ZNF333: variants seen among roughly 807,000 people sequenced by gnomAD.
ZNF333 encodes the protein zinc finger protein 333.
In ZNF333, 61 loss-of-function variants were observed where a neutral mutation model predicts 76.1. The ratio of observed to expected loss-of-function variants is 0.80; its 90% confidence interval spans 0.65 to 0.99. The LOEUF (loss-of-function observed/expected upper bound fraction) is 0.99, where lower values mean the gene tolerates loss of function less well. Among genes scored for constraint, ZNF333 ranks in the 50% least tolerant of loss-of-function variants. ZNF333 has a pLI of 0.00. For synonymous variants in ZNF333, 284 were observed against 305.0 expected (o/e 0.93, Z 0.72); for missense variants, 717 against 822.4 (o/e 0.87, Z 1.57).
intron 11 of ZNF333, among the ~76,000 whole-genome samples, chr19:14,727,979 T>G (rs1182925710): frequency 1.3e-5 from 2 of 152,158 alleles, no homozygotes; most frequent in African/African-American, 2.4e-5. Context: ...TCCCAGCACT[T>G]TGGGAGGCTG....
chr19:14,727,756 T>A (rs1160375981), intron 11 of ZNF333, among the ~76,000 whole-genome samples: 1 of 151,938 alleles, frequency 6.6e-6, no homozygotes, highest in African/African-American at 2.4e-5. Flanking sequence ...AGAGTCCCAG[T>A]ATCCTAATCA....
chr19:14,725,906 C>T (rs1309993526), downstream of ZNF333, among the ~76,000 whole-genome samples: 1 of 152,156 alleles, frequency 6.6e-6, no homozygotes, highest in Non-Finnish European at 1.5e-5. Context: ...GGGAGGTGGC[C>T]CTCCAGCTCC....
At chr19:14,691,272 T>G (rs910365566) in intron 1 of ZNF333, among the ~76,000 whole-genome samples, 3 of 152,218 alleles carry the variant, frequency 2.0e-5, no homozygotes, top group Admixed American at 6.5e-5. Flanking sequence ...AACCTAAGAC[T>G]GTTATTCAGA....
intron 9 of ZNF333, 52 bp from the exon 10 acceptor site, chr19:14,716,942 G>A: frequency 1.3e-6 from 2 of 1,512,178 alleles, no homozygotes; most frequent in Non-Finnish European, 1.8e-6. Flanking sequence ...CGGCCCTGGT[G>A]TCAGGGCATG....
chr19:14,692,370 A>C (rs1167681935), intron 1 of ZNF333, among the ~76,000 whole-genome samples: 10 of 152,184 alleles, frequency 6.6e-5, no homozygotes, highest in Non-Finnish European at 1.5e-4. Flanking sequence ...ACAGTCTTTC[A>C]GGCAGTACGA....
chr19:14,711,539 G>A (rs949369200), intron 7 of ZNF333, among the ~76,000 whole-genome samples: 1 of 152,136 alleles, frequency 6.6e-6, no homozygotes, highest in African/African-American at 2.4e-5. Flanking sequence ...ATGGTTGTGT[G>A]CACCTGTGGT....
chr19:14,708,393 C>G, intron 7 of ZNF333: 1 of 401,256 alleles, frequency 2.5e-6, no homozygotes. Context: ...AAAGAAAACA[C>G]CGACCCCTCC....
chr19:14,717,626 G>A (rs780711551), intron 10 of ZNF333, 31 bp from the exon 11 acceptor site: 2 of 1,596,500 alleles, frequency 1.3e-6, no homozygotes, highest in South Asian at 1.1e-5. Flanking sequence ...TTCTCTGTGT[G>A]CTTAACTTTT....
chr19:14,692,501 T>C (rs1205673900), intron 1 of ZNF333, among the ~76,000 whole-genome samples: 1 of 142,940 alleles, frequency 7.0e-6, no homozygotes, highest in Non-Finnish European at 1.5e-5. Context: ...TGGTTAGCAT[T>C]GGATCTTCTT....
chr19:14,710,382 C>T (rs1325457074), intron 7 of ZNF333, among the ~76,000 whole-genome samples: 3 of 152,130 alleles, frequency 2.0e-5, no homozygotes, highest in Admixed American at 2.0e-4. Flanking sequence ...GTGCTGGGTT[C>T]CCCCAAGACC....
At position 14,695,642 on chromosome 19, in the gene ZNF333, T is replaced by G. The variant is rs373334581; in HGVS notation, c.204T>G (p.Ile68Met). 3.1e-6 allele frequency: 5 copies of G among 1,613,980 alleles called. No homozygotes were observed. The highest frequency in any genetic ancestry group is 4.2e-6 in the Non-Finnish European group (5 of 1,180,014). ...RAEPKATERG[I>M]LRATGVAWES... Reference sequence around the variant, plus strand: ...AGCCAAAGGCAACAGAACGAGGGATTCTCCGTGCCACAGGTGTTGGTGAGT... The same window carrying G: ...AGCCAAAGGCAACAGAACGAGGGATGCTCCGTGCCACAGGTGTTGGTGAGT... Residue 68 changes from isoleucine to methionine, a missense_variant, in exon 4 of 12, where the codon ATT becomes ATG. Ile to Met is a conservative substitution (Grantham distance 10). Transcript: ENST00000292530.
At position 14,708,491 on chromosome 19, in the gene ZNF333, CA is replaced by C. The variant is rs1241062689; in HGVS notation, c.511+1719del. On this transcript the variant is annotated intron_variant, in intron 7 of 11. Transcript: ENST00000292530. ...AGTGTGTTATACAAGGACTTCATCT[CA>C]GGGGACGGGAGAGTTCTGGGAAAGG... is the stretch of plus-strand genomic sequence containing the variant. The C allele has an allele frequency of 1.9e-5, 6 of 319,276 alleles. No individual in the cohort carries two copies. In the African/African-American group the frequency reaches 2.4e-4, roughly 13 times the overall value. 19.8% of individuals were successfully genotyped at this position (319,276 alleles called of 1,614,324 possible). A position where few individuals can be genotyped will look rare whatever the true frequency, so the allele number is the denominator to read the frequency against.
chr19:14,699,395 A>G, intron 5 of ZNF333, 114 bp downstream of exon 5: 1 of 921,686 alleles, frequency 1.1e-6, no homozygotes, highest in Non-Finnish European at 1.7e-6. Context: ...TGTCTCTTGG[A>G]AGGGAAACAG....
intron 4 of ZNF333, 120 bp from the exon 5 acceptor site, chr19:14,699,079 G>A (rs1973488587): frequency 3.1e-6 from 2 of 651,168 alleles, no homozygotes; most frequent in East Asian, 6.0e-5. Context: ...AACATTAAAA[G>A]AAAAAGCCTA....
At chr19:14,724,564 G>C (rs113840190), downstream of ZNF333, among the ~76,000 whole-genome samples, 467 of 152,280 alleles carry the variant, frequency 3.1e-3, 2 homozygotes, top group African/African-American at 0.011. Context: ...TCAGGGGCTC[G>C]AGACCAGCCT....
intron 9 of ZNF333, 152 bp downstream of exon 9, chr19:14,716,390 CTGGG>C: frequency 1.2e-6 from 1 of 857,548 alleles, no homozygotes; most frequent in Non-Finnish European, 1.7e-6. Flanking sequence ...TCCCGAGTAG[CTGGG>C]ACCACAGGGT....
chr19:14,728,148 G>C (rs976351500), intron 11 of ZNF333, among the ~76,000 whole-genome samples: 19 of 152,324 alleles, frequency 1.2e-4, no homozygotes, highest in Non-Finnish European at 2.8e-4. Context: ...GGGAAGCGGA[G>C]CTTGCAGTGA....
intron 11 of ZNF333, among the ~76,000 whole-genome samples, chr19:14,730,085 C>T (rs1390279572): frequency 6.6e-6 from 1 of 152,118 alleles, no homozygotes; most frequent in Non-Finnish European, 1.5e-5. Flanking sequence ...TGGAGTCTCG[C>T]TCTGTCACCC....
chr19:14,693,216 C>G (rs1295051737), intron 1 of ZNF333, among the ~76,000 whole-genome samples: 1 of 152,170 alleles, frequency 6.6e-6, no homozygotes, highest in African/African-American at 2.4e-5. Context: ...AGTAGAAGAT[C>G]TTAGAAGTAT....
Sources: allele counts gnomAD v4.1 joint callset (sites outside exome capture counted in the v4.1 genomes callset), GRCh38; gene constraint gnomAD v4.1.1; transcripts MANE v1.5; gene names NCBI Gene and HGNC (gene_info 2026-07-23, HGNC 2026-07-21).